DPYD: variants seen among roughly 807,000 people sequenced by gnomAD.
DPYD encodes the protein dihydropyrimidine dehydrogenase [NADP(+)].
Under a neutral mutation model 116.2 loss-of-function variants are expected in DPYD, and 109 were observed. That is an observed-to-expected ratio of 0.94 (90% confidence interval 0.80 to 1.10). The LOEUF (loss-of-function observed/expected upper bound fraction) is 1.10. DPYD is among the 50% of genes least tolerant of loss of function. The probability of loss-of-function intolerance (pLI) is 0.00; values close to 1 mark genes in which losing one functional copy is unlikely to be tolerated. For missense variants in DPYD, 1,302 were observed against 1,254.5 expected (o/e 1.04, Z -0.57); for synonymous variants, 440 against 432.0 (o/e 1.02, Z -0.23).
chr1:97,131,451 ATC>A (rs1230159603), intron 20 of DPYD, among the ~76,000 whole-genome samples: 2 of 152,196 alleles, frequency 1.3e-5, no homozygotes, highest in African/African-American at 4.8e-5. Context: ...GGCCATTAAT[ATC>A]TCTCTTACCT....
intron 3 of DPYD, among the ~76,000 whole-genome samples, chr1:97,787,852 A>G (rs527896269): frequency 6.6e-6 from 1 of 152,220 alleles, no homozygotes; most frequent in Non-Finnish European, 1.5e-5. Context: ...CAACATAAAG[A>G]TCACTCTACC....
At chr1:97,376,717 T>C (rs1214430087) in intron 15 of DPYD, among the ~76,000 whole-genome samples, 1 of 152,166 alleles carries the variant, frequency 6.6e-6, no homozygotes, top group African/African-American at 2.4e-5. Flanking sequence ...CTTTTTAGTT[T>C]AGTCACTTAC....
intron 13 of DPYD, among the ~76,000 whole-genome samples, chr1:97,473,514 G>A (rs1677774587): frequency 6.6e-6 from 1 of 152,070 alleles, no homozygotes; most frequent in Non-Finnish European, 1.5e-5. Flanking sequence ...TTCACAAAGA[G>A]CCAAAAAGTA....
chr1:97,793,207 A>T (rs1196500419), intron 3 of DPYD, among the ~76,000 whole-genome samples: 1 of 152,190 alleles, frequency 6.6e-6, no homozygotes, highest in African/African-American at 2.4e-5. Flanking sequence ...CTGAGAAAAA[A>T]ATTTAAAGTC....
chr1:97,593,619 G>A (rs1483278830), intron 9 of DPYD, among the ~76,000 whole-genome samples: 3 of 151,948 alleles, frequency 2.0e-5, no homozygotes, highest in Non-Finnish European at 4.4e-5. Flanking sequence ...TTTCTTCTAG[G>A]ATTCCTACAA....
intron 2 of DPYD, among the ~76,000 whole-genome samples, chr1:97,841,245 G>T (rs955858859): frequency 1.3e-5 from 2 of 152,114 alleles, no homozygotes; most frequent in East Asian, 3.9e-4. Context: ...GAAAATTACA[G>T]TATCAGTTTT....
intron 16 of DPYD, among the ~76,000 whole-genome samples, chr1:97,331,380 C>T (rs965161117): frequency 1.3e-5 from 2 of 151,882 alleles, no homozygotes; most frequent in Admixed American, 6.6e-5. Flanking sequence ...TGGGAGGATG[C>T]GGCAGGAGGC....
intron 14 of DPYD, 81 bp from the exon 15 acceptor site, chr1:97,382,542 T>G (rs2101565345): frequency 1.3e-6 from 1 of 761,056 alleles, no homozygotes; most frequent in East Asian, 3.0e-5. Context: ...TTACATAAAT[T>G]TATAATGGTA....
At chr1:97,562,902 T>C (rs1395411884) in intron 11 of DPYD, among the ~76,000 whole-genome samples, 1 of 152,024 alleles carries the variant, frequency 6.6e-6, no homozygotes, top group Non-Finnish European at 1.5e-5. Flanking sequence ...GTTTTTTCAG[T>C]AGAGACAGGG....
intron 10 of DPYD, among the ~76,000 whole-genome samples, chr1:97,587,727 T>C (rs1026616120): frequency 1.3e-5 from 2 of 148,974 alleles, no homozygotes; most frequent in Non-Finnish European, 1.5e-5. Context: ...CTCAGGAGGC[T>C]GCAGGAGAAT....
intron 4 of DPYD, 102 bp from the exon 5 acceptor site, chr1:97,721,773 G>C (rs1477270898): frequency 4.4e-6 from 5 of 1,138,082 alleles, no homozygotes; most frequent in Non-Finnish European, 6.4e-6. Context: ...TCAGATTGAA[G>C]ATAATGATGT....
intron 18 of DPYD, among the ~76,000 whole-genome samples, chr1:97,249,679 T>C (rs1662954697): frequency 6.6e-6 from 1 of 152,002 alleles, no homozygotes; most frequent in African/African-American, 2.4e-5. Context: ...GAAAAAAATA[T>C]ATTCACACAC....
intron 1 of DPYD, among the ~76,000 whole-genome samples, chr1:97,903,924 G>A (rs573149085): frequency 5.0e-4 from 76 of 152,046 alleles, no homozygotes; most frequent in Middle Eastern, 3.4e-3. Context: ...CTTCTAGAAA[G>A]GGAAATAGGA....
intron 1 of DPYD, among the ~76,000 whole-genome samples, chr1:97,892,443 T>G (rs1440696771): frequency 1.3e-5 from 2 of 151,788 alleles, no homozygotes; most frequent in African/African-American, 4.8e-5. Context: ...AAAGGTATCT[T>G]TGGTTCTTGA....
intron 10 of DPYD, among the ~76,000 whole-genome samples, chr1:97,589,554 T>C (rs1369171885): frequency 6.6e-6 from 1 of 152,336 alleles, no homozygotes; most frequent in South Asian, 2.1e-4. Flanking sequence ...ATTAAACCTC[T>C]TGCCTTTATA....
At position 97,691,005 on chromosome 1, in the gene DPYD, T is replaced by C. The variant is rs570586558; in HGVS notation, c.762+712A>G. Among the ~76,000 whole-genome samples the C allele has an allele frequency of 4.6e-5, 7 of 152,276 alleles. No homozygotes were observed. In the South Asian group the frequency reaches 1.4e-3, roughly 32 times the overall value. Reference sequence around the variant, plus strand: ...CTGCATATACTTACAGCATGTATTATGTAAATCACAGTACATTATTAATCT... The same window carrying C: ...CTGCATATACTTACAGCATGTATTACGTAAATCACAGTACATTATTAATCT... On this transcript the variant is annotated intron_variant, in intron 7 of 22. Transcript: ENST00000370192.
intron 18 of DPYD, among the ~76,000 whole-genome samples, chr1:97,248,074 C>G (rs1215753425): frequency 6.6e-6 from 1 of 152,058 alleles, no homozygotes; most frequent in Non-Finnish European, 1.5e-5. Context: ...AAATTATAGA[C>G]CAATATCCAT....
chr1:97,821,026 A>G (rs1018447178), intron 3 of DPYD, among the ~76,000 whole-genome samples: 12 of 152,204 alleles, frequency 7.9e-5, no homozygotes, highest in African/African-American at 2.6e-4. Context: ...CCAATTGCAT[A>G]TATCTATTAC....
intron 5 of DPYD, among the ~76,000 whole-genome samples, chr1:97,721,278 A>T (rs1662909369): frequency 6.6e-6 from 1 of 151,682 alleles, no homozygotes; most frequent in Non-Finnish European, 1.5e-5. Context: ...TTTCAGTCAA[A>T]GTATTTTAAT....
Sources: gnomAD v4.1 joint callset for allele counts (sites outside exome capture counted in the v4.1 genomes callset) on GRCh38, gnomAD v4.1.1 for gene constraint, MANE v1.5 for transcripts, NCBI Gene and HGNC (gene_info 2026-07-23, HGNC 2026-07-21) for gene names.